ASCC1: variants seen among roughly 807,000 people sequenced by gnomAD.
ASCC1 encodes the protein ASC-1 complex subunit P50.
In ASCC1, 35 loss-of-function variants were observed where a neutral mutation model predicts 46.6. The ratio of observed to expected loss-of-function variants is 0.75; its 90% CI spans 0.57 to 0.99. ASCC1 has a LOEUF of 0.99. ASCC1 is among the 50% of genes least tolerant of loss of function. ASCC1 has a pLI of 0.00. For synonymous variants in ASCC1, 143 were observed against 146.6 expected (o/e 0.98, Z 0.18); for missense variants, 376 against 428.7 (o/e 0.88, Z 1.09).
At chr10:72,210,008 C>A (rs936729474) in intron 3 of ASCC1, among the ~76,000 whole-genome samples, 3 of 152,008 alleles carry the variant, frequency 2.0e-5, no homozygotes, top group African/African-American at 7.2e-5. Context: ...TGACATCTCA[C>A]CTCCCATCGT....
chr10:72,142,071 A>T (rs1847082265), intron 7 of ASCC1, among the ~76,000 whole-genome samples: 1 of 152,210 alleles, frequency 6.6e-6, no homozygotes, highest in African/African-American at 2.4e-5. Context: ...AATGGGAATA[A>T]ACCTGGTATA....
intron 9 of ASCC1, among the ~76,000 whole-genome samples, chr10:72,119,993 T>C (rs1414097092): frequency 6.6e-6 from 1 of 152,192 alleles, no homozygotes; most frequent in African/African-American, 2.4e-5. Flanking sequence ...TCCCAGCACT[T>C]TTGGAGGCCG....
At chr10:72,135,531 A>T (rs764385499) in intron 7 of ASCC1, among the ~76,000 whole-genome samples, 1 of 152,228 alleles carries the variant, frequency 6.6e-6, no homozygotes, top group Non-Finnish European at 1.5e-5. Context: ...TCTGCAGTGA[A>T]ACTAGGAAGA....
In ASCC1 at chr10:72,133,094, A is replaced by G; in HGVS notation, c.834T>C (p.Ala278=). 6.2e-7 allele frequency: 1 copy of G among 1,614,076 alleles called. No individual in the cohort carries two copies. Among genetic ancestry groups the G allele is most frequent in the Non-Finnish European group, 8.5e-7 (1 of 1,179,912 alleles). Residue 278 remains alanine, a synonymous_variant, in exon 8 of 10, where the codon GCT becomes GCC. Transcript: ENST00000672957. ...VKEWNSVKLH[A]TVMNTLFRKD... The stretch of plus-strand genomic sequence containing the variant: ...TCCTGAATAGTGTATTCATAACTGT[A>G]GCATGCAGTTTCACACTATTCCACT...
chr10:72,152,692 T>C (rs1432927193), intron 7 of ASCC1, among the ~76,000 whole-genome samples, 177 bp downstream of exon 7: 1 of 152,080 alleles, frequency 6.6e-6, no homozygotes, highest in Non-Finnish European at 1.5e-5. Context: ...TGATACTTTT[T>C]CCTACAACAA....
chr10:72,141,672 T>G lies in ASCC1; in HGVS notation c.747-8491A>C, dbSNP rs190786110. ...CCTAGTTTTCTTCTACTTTTAAAAT[T>G]AGCCTTCCTTGTAACAGATGAATTA... is the stretch of plus-strand genomic sequence containing the variant. On this transcript the variant is annotated intron_variant, in intron 7 of 9. Transcript: ENST00000672957. Among the ~76,000 whole-genome samples the G allele has an allele frequency of 2.7e-3, 409 of 152,348 alleles. 2 individuals carry two copies. The highest frequency in any genetic ancestry group is 3.2e-3 in the Non-Finnish European group (216 of 68,022).
intron 5 of ASCC1, among the ~76,000 whole-genome samples, chr10:72,169,298 T>C (rs1292688910): frequency 6.6e-6 from 1 of 152,012 alleles, no homozygotes; most frequent in African/African-American, 2.4e-5. Context: ...TAGCCGGGTG[T>C]GGTGGCACAT....
chr10:72,107,968 T>A (rs1842524688), intron 9 of ASCC1, among the ~76,000 whole-genome samples: 1 of 152,132 alleles, frequency 6.6e-6, no homozygotes, highest in Non-Finnish European at 1.5e-5. Context: ...TAACTGTTGA[T>A]CTTCATTTTG....
At chr10:72,150,078 G>A (rs111848453) in intron 7 of ASCC1, among the ~76,000 whole-genome samples, 3,751 of 151,972 alleles carry the variant, frequency 0.025, 188 homozygotes, top group African/African-American at 0.086. Context: ...TCAGCTACTC[G>A]AGAGGCTGAG....
intron 4 of ASCC1, among the ~76,000 whole-genome samples, chr10:72,199,479 G>T (rs1018078556): frequency 2.6e-5 from 4 of 151,904 alleles, no homozygotes; most frequent in Admixed American, 1.3e-4. Flanking sequence ...TGTATTTTCA[G>T]CAGAGACAGG....
At chr10:72,214,367 C>CTTTTTTTTTTTT (rs970289326) in intron 1 of ASCC1, among the ~76,000 whole-genome samples, 1 of 88,464 alleles carries the variant, frequency 1.1e-5, no homozygotes, top group Non-Finnish European at 2.1e-5. Flanking sequence ...CACAATATCT[C>CTTTTTTTTTTTT]TTTTTTTTTT....
At chr10:72,184,193 C>T (rs1853095483) in intron 5 of ASCC1, among the ~76,000 whole-genome samples, 1 of 141,806 alleles carries the variant, frequency 7.1e-6, no homozygotes, top group African/African-American at 2.6e-5. Context: ...AAAAGCGGTA[C>T]AAAGAAGAGA....
At chr10:72,216,412 GC>G, upstream of ASCC1, 1 of 188,872 alleles carries the variant, frequency 5.3e-6, no homozygotes. Flanking sequence ...TAGCTTGGGA[GC>G]CGCTGGTGTT....
chr10:72,110,749 T>G (rs1402108231), intron 9 of ASCC1, among the ~76,000 whole-genome samples: 5 of 152,314 alleles, frequency 3.3e-5, no homozygotes, highest in South Asian at 2.1e-4. Context: ...ATCACGCCAT[T>G]GCACTCCAGT....
intron 3 of ASCC1, among the ~76,000 whole-genome samples, chr10:72,204,930 CA>C (rs1856987937): frequency 6.6e-6 from 1 of 152,116 alleles, no homozygotes; most frequent in Non-Finnish European, 1.5e-5. Flanking sequence ...AGCAGTGGTT[CA>C]AAGTGCTATT....
Position 72,161,597 on chromosome 10 carries a change from A to T in ASCC1, c.567T>A (p.Ser189Arg). 1 of 1,614,102 alleles carries T rather than the reference A, an allele frequency of 6.2e-7. No individual in the cohort carries two copies. The highest frequency in any genetic ancestry group is 1.6e-4 in the Middle Eastern group (1 of 6,062). The stretch of plus-strand genomic sequence containing the variant: ...CACATGTCTGCTGGATCTCTTCCTC[A>T]CTCAAAAGCACCAACATCCCAATAG... ...HLTIGMLVLL[S>R]EEEIQQTCEM... is the part of the protein sequence containing the mutation. The change falls in exon 6 of 10, where the codon AGT (serine) becomes AGA (arginine). Residue 189 changes from serine to arginine, a missense_variant. By Grantham distance (110) the Ser-to-Arg change is moderately radical. Transcript: ENST00000672957.
At chr10:72,207,040 T>A (rs1857318548) in intron 3 of ASCC1, among the ~76,000 whole-genome samples, 1 of 152,162 alleles carries the variant, frequency 6.6e-6, no homozygotes, top group African/African-American at 2.4e-5. Context: ...ACATATGCTA[T>A]CCTCATTAAA....
At chr10:72,136,874 T>A (rs1207209152) in intron 7 of ASCC1, among the ~76,000 whole-genome samples, 1 of 151,694 alleles carries the variant, frequency 6.6e-6, no homozygotes, top group African/African-American at 2.4e-5. Flanking sequence ...GCAGCTTCAC[T>A]CCTGAAGTCA....
chr10:72,187,656 C>T (rs1239548899), intron 5 of ASCC1, among the ~76,000 whole-genome samples: 1 of 141,900 alleles, frequency 7.0e-6, no homozygotes. Flanking sequence ...GGAGACGGAG[C>T]TTGCAGTGAG....
Sources: gnomAD v4.1 joint callset for allele counts (sites outside exome capture counted in the v4.1 genomes callset) on GRCh38, gnomAD v4.1.1 for gene constraint, MANE v1.5 for transcripts, NCBI Gene and HGNC (gene_info 2026-07-23, HGNC 2026-07-21) for gene names.